FAM13A: variants seen among roughly 807,000 people sequenced by gnomAD.
The protein encoded by FAM13A is family with sequence similarity 13 member A.
A neutral mutation model predicts 129.6 loss-of-function variants in FAM13A; 76 were observed. The observed-to-expected ratio is 0.59, with a 90% CI of 0.49 to 0.71. The LOEUF is 0.71. FAM13A is among the 30% of genes least tolerant of loss of function. The pLI is 0.00. For synonymous variants in FAM13A, 443 were observed against 449.9 expected (o/e 0.98, Z 0.20); for missense variants, 1,108 against 1,249.3 (o/e 0.89, Z 1.70).
At position 89,032,561 on chromosome 4, in the gene FAM13A, G is replaced by A. The variant is rs549561703; in HGVS notation, c.28-2912C>T. The stretch of plus-strand genomic sequence containing the variant: ...TTTCAGTCAAAAAGGGCTGTGCCTA[G>A]AGTCCAGATCTCCTGAGTTTTATAC... On this transcript the variant is annotated intron_variant, in intron 1 of 23. Transcript: ENST00000264344. Among the ~76,000 whole-genome samples, 8 of 152,334 alleles carry A rather than the reference G, an allele frequency of 5.3e-5. No individual in the cohort carries two copies. In the South Asian group the frequency reaches 1.7e-3, roughly 32 times the overall value.
At chr4:88,979,830 G>A (rs1365789203) in intron 4 of FAM13A, among the ~76,000 whole-genome samples, 1 of 152,210 alleles carries the variant, frequency 6.6e-6, no homozygotes, top group East Asian at 1.9e-4. Context: ...AATTAGCCAG[G>A]TGTGGTGGCA....
rs775993924 is a variant in FAM13A at position 88,750,574 on chromosome 4, G to A, written c.1790C>T (p.Ser597Leu). The A allele has an allele frequency of 7.4e-6, 12 of 1,614,030 alleles. No homozygotes were observed. Among genetic ancestry groups the A allele is most frequent in the Middle Eastern group, 3.3e-4 (2 of 6,084 alleles). Reference sequence around the variant, plus strand: ...ACGGATCAGGCGCCCAGCCTGCGGCGAGAGGTGGGCTTCATCAGAGTCACT... The same window carrying A: ...ACGGATCAGGCGCCCAGCCTGCGGCAAGAGGTGGGCTTCATCAGAGTCACT... ...ENSDSDEAHL[S>L]PQAGRLIRQL... is the part of the protein sequence containing the mutation. The change falls in exon 15 of 24, where the codon TCG becomes TTG. Residue 597 changes from serine (S) to leucine (L), a missense_variant. This residue lies in a region of FAM13A where 529 missense variants were observed against 621.2 expected (regional missense o/e 0.85). Transcript: ENST00000264344.
chr4:89,045,864 T>C (rs142184817), intron 1 of FAM13A, among the ~76,000 whole-genome samples: 4 of 151,630 alleles, frequency 2.6e-5, no homozygotes, highest in South Asian at 4.2e-4. Flanking sequence ...TCTCTACTAA[T>C]AGTACAAAAA....
chr4:88,889,195 A>G (rs770272651), intron 6 of FAM13A, among the ~76,000 whole-genome samples: 3 of 152,142 alleles, frequency 2.0e-5, no homozygotes, highest in Non-Finnish European at 4.4e-5. Flanking sequence ...TGTGAATGGC[A>G]TTGTTGAATG....
At chr4:88,781,052 T>C (rs1315994352) in intron 11 of FAM13A, 113 bp downstream of exon 11, 2 of 618,576 alleles carry the variant, frequency 3.2e-6, no homozygotes, top group Non-Finnish European at 5.3e-6. Context: ...CTCTAAGGTC[T>C]CTTCCAGCAC....
At position 88,932,141 on chromosome 4, in the gene FAM13A, T is replaced by C. The variant is rs150943468; in HGVS notation, c.759+5947A>G. ...AAATGAAAACACATATAAAAGCTCA[T>C]GGCACTGATGGCCTCAGTTAAATCT... On this transcript the variant is annotated intron_variant, in intron 5 of 23. Coordinates refer to ENST00000264344, the MANE Select transcript of FAM13A (RefSeq NM_014883.4). Among the ~76,000 whole-genome samples the C allele has an allele frequency of 3.2e-3, 493 of 152,322 alleles. 4 individuals are homozygous for C. The highest frequency in any genetic ancestry group is 0.011 in the African/African-American group (470 of 41,578).
intron 5 of FAM13A, among the ~76,000 whole-genome samples, chr4:88,926,999 A>C (rs1752296913): frequency 1.3e-5 from 2 of 152,196 alleles, no homozygotes; most frequent in Non-Finnish European, 2.9e-5. Context: ...ACACACACAC[A>C]CACATTTTCT....
At chr4:88,805,768 A>C (rs1311818126) in intron 7 of FAM13A, among the ~76,000 whole-genome samples, 1 of 152,048 alleles carries the variant, frequency 6.6e-6, no homozygotes, top group Non-Finnish European at 1.5e-5. Flanking sequence ...TCCCAGGCTC[A>C]AGTGATCCTC....
intron 13 of FAM13A, among the ~76,000 whole-genome samples, chr4:88,766,882 G>A (rs1745796517): frequency 6.6e-6 from 1 of 152,176 alleles, no homozygotes; most frequent in Non-Finnish European, 1.5e-5. Flanking sequence ...GATTGAAGGT[G>A]GAGTTGGAAG....
chr4:89,012,859 C>T (rs2464511), intron 3 of FAM13A, among the ~76,000 whole-genome samples: 50 of 151,374 alleles, frequency 3.3e-4, no homozygotes, highest in South Asian at 6.2e-4. Flanking sequence ...CAAAGGCCTA[C>T]AACAACATTA....
chr4:88,757,202 A>G (rs1743837474), intron 14 of FAM13A, among the ~76,000 whole-genome samples: 1 of 152,180 alleles, frequency 6.6e-6, no homozygotes, highest in Non-Finnish European at 1.5e-5. Flanking sequence ...TTATATTAGC[A>G]TTATTTAAGT....
intron 6 of FAM13A, among the ~76,000 whole-genome samples, chr4:88,886,342 AC>A (rs1744411370): frequency 1.3e-5 from 2 of 152,188 alleles, no homozygotes; most frequent in South Asian, 4.1e-4. Context: ...TAATCCCAGC[AC>A]TTTGGGAGGC....
In FAM13A at chr4:88,726,265, C is replaced by T. The variant is rs1159505598; in HGVS notation, c.*2268G>A. The T allele has an allele frequency of 6.7e-6, 1 of 150,280 alleles. No homozygotes were observed. Among genetic ancestry groups the T allele is most frequent in the South Asian group, 2.1e-4 (1 of 4,662 alleles). The allele number at this position is 150,280 out of a possible 1,614,324, so 9.3% of individuals were successfully genotyped here. On this transcript the variant is annotated 3_prime_UTR_variant, in exon 24 of 24. Coordinates refer to ENST00000264344, the MANE Select transcript of FAM13A (RefSeq NM_014883.4). ...AGATCTAGTGTGAAAAGGGCTTCCTCTCATTTCTTCTGGGCTCCATTCCAT... is the reference window on the plus strand; with the variant it reads ...AGATCTAGTGTGAAAAGGGCTTCCTTTCATTTCTTCTGGGCTCCATTCCAT...
intron 3 of FAM13A, among the ~76,000 whole-genome samples, chr4:89,000,089 G>C (rs1049896100): frequency 2.0e-5 from 3 of 152,096 alleles, no homozygotes; most frequent in African/African-American, 7.2e-5. Flanking sequence ...CCTTGGAGCT[G>C]CTGGGTATCC....
At chr4:89,029,142 T>A (rs915689913) in intron 2 of FAM13A, among the ~76,000 whole-genome samples, 1 of 152,200 alleles carries the variant, frequency 6.6e-6, no homozygotes, top group African/African-American at 2.4e-5. Flanking sequence ...GACTATCAGT[T>A]GGAATTTAAT....
At chr4:88,732,853 A>G (rs1434290903) in intron 21 of FAM13A, among the ~76,000 whole-genome samples, 1 of 151,754 alleles carries the variant, frequency 6.6e-6, no homozygotes, top group Non-Finnish European at 1.5e-5. Flanking sequence ...ACAAGATTCT[A>G]AGAAAAGTAT....
chr4:88,838,466 G>A lies in FAM13A; in HGVS notation c.1007+12554C>T, dbSNP rs1342593507. Among the ~76,000 whole-genome samples the A allele has an allele frequency of 2.6e-5, 4 of 152,148 alleles. 1 individual carries two copies. The stretch of plus-strand genomic sequence containing the variant: ...GAAAATACACATTTTGGCCGGGCAC[G>A]GTGGCTCATGCCTGTAATCCCAGCA... On this transcript the variant is annotated intron_variant, in intron 7 of 23. Transcript: ENST00000264344.
Position 88,991,141 on chromosome 4 carries a change from T to C in FAM13A, c.437A>G (p.Asn146Ser). The change falls in exon 4 of 24, where the codon AAT (asparagine) becomes AGT (serine). Residue 146 changes from asparagine to serine, a missense_variant. Physicochemically the swap from Asn to Ser is conservative, Grantham distance 46. Transcript: ENST00000264344. ...TCTTAAGCTACTCTCCTGAACATCA[T>C]TTCTGCCATCTGGAAAAAAAAAGAA... is the stretch of plus-strand genomic sequence containing the variant. Reference protein sequence around the residue: ...RFIQLFQDGRNDVQESSLRDL... With the variant: ...RFIQLFQDGRSDVQESSLRDL... 6.2e-7 allele frequency: 1 copy of C among 1,608,968 alleles called. No homozygotes were observed. Among genetic ancestry groups the C allele is most frequent in the South Asian group, 1.1e-5 (1 of 89,956 alleles).
chr4:88,916,441 T>C (rs1490095394), intron 5 of FAM13A, among the ~76,000 whole-genome samples: 2 of 152,252 alleles, frequency 1.3e-5, no homozygotes, highest in East Asian at 1.9e-4. Context: ...ACAGTACTTA[T>C]TGAGTTGAGA....
Sources: allele counts gnomAD v4.1 joint callset (sites outside exome capture counted in the v4.1 genomes callset), GRCh38; gene constraint gnomAD v4.1.1; regional missense constraint gnomAD v4.1.1; transcripts MANE v1.5; gene names NCBI Gene and HGNC (gene_info 2026-07-23, HGNC 2026-07-21).